CALM2: variants seen among roughly 807,000 people sequenced by gnomAD.
CALM2 encodes calmodulin-2.
In CALM2, 2 loss-of-function variants were observed where a neutral mutation model predicts 19.8. The ratio of observed to expected loss-of-function variants is 0.10; its 90% CI spans 0.04 to 0.32. The LOEUF (loss-of-function observed/expected upper bound fraction) is 0.32. CALM2 is among the 10% of genes least tolerant of loss of function. The pLI is 1.00. For missense variants in CALM2, 38 were observed against 178.7 expected (o/e 0.21, Z 4.49); for synonymous variants, 51 against 52.1 (o/e 0.98, Z 0.09).
At chr2:47,160,990 A>G (rs1687137372) in intron 5 of CALM2, among the ~76,000 whole-genome samples, 186 bp from the exon 6 acceptor site, 1 of 152,028 alleles carries the variant, frequency 6.6e-6, no homozygotes, top group South Asian at 2.1e-4. Context: ...AACCATAACT[A>G]TTCAGGTTTA....
intron 2 of CALM2, among the ~76,000 whole-genome samples, chr2:47,166,630 T>C (rs1371120869): frequency 3.3e-5 from 5 of 151,978 alleles, no homozygotes; most frequent in Non-Finnish European, 7.4e-5. Flanking sequence ...TACTAAAGAG[T>C]AAAAAATACC....
intron 1 of CALM2, chr2:47,174,069 C>T (rs1465019021): frequency 6.6e-6 from 1 of 152,204 alleles, no homozygotes; most frequent in Non-Finnish European, 1.5e-5. Context: ...ATTATTTAGA[C>T]TCAAGTGACA....
At chr2:47,170,118 T>C (rs1250295879) in intron 2 of CALM2, among the ~76,000 whole-genome samples, 1 of 152,262 alleles carries the variant, frequency 6.6e-6, no homozygotes, top group East Asian at 1.9e-4. Flanking sequence ...GTAATAATTT[T>C]GCATACTTCC....
chr2:47,160,850 C>CAAAAAAAAAAAAAAAAAAAAAAAAACAAA, intron 5 of CALM2, 46 bp from the exon 6 acceptor site: 1 of 370,250 alleles, frequency 2.7e-6, no homozygotes, highest in Admixed American at 5.9e-5. Flanking sequence ...AGCAAAAGAC[C>CAAAAAAAAAAAAAAAAAAAAAAAAACAAA]AAAAAAAAAA....
intron 2 of CALM2, among the ~76,000 whole-genome samples, chr2:47,169,270 A>C (rs1185438398): frequency 6.6e-6 from 1 of 152,164 alleles, no homozygotes; most frequent in African/African-American, 2.4e-5. Flanking sequence ...GCCTGAGACA[A>C]TTTGGGAAGG....
chr2:47,172,487 T>C, intron 1 of CALM2: 2 of 1,213,872 alleles, frequency 1.6e-6, no homozygotes, highest in African/African-American at 1.6e-5. Flanking sequence ...AACCATTATT[T>C]CATATAAATT....
chr2:47,170,954 G>GT (rs1666646732), intron 1 of CALM2, 190 bp from the exon 2 acceptor site: 5 of 570,170 alleles, frequency 8.8e-6, no homozygotes, highest in Non-Finnish European at 1.6e-5. Context: ...TTAACTCCAA[G>GT]TTTAAGATAT....
chr2:47,176,737 A>C, upstream of CALM2: 22 of 1,372,398 alleles, frequency 1.6e-5, no homozygotes, highest in Non-Finnish European at 2.1e-5. Context: ...AGCCGTTAAA[A>C]GGCCGGTGGA....
intron 2 of CALM2, among the ~76,000 whole-genome samples, chr2:47,169,993 G>GAAAAAA (rs1392124066): frequency 1.3e-5 from 2 of 151,210 alleles, no homozygotes; most frequent in African/African-American, 4.9e-5. Context: ...GGCAAGGGGG[G>GAAAAAA]AAAAAAAAGT....
At chr2:47,165,429 G>C (rs917621858) in intron 2 of CALM2, among the ~76,000 whole-genome samples, 1 of 152,240 alleles carries the variant, frequency 6.6e-6, no homozygotes, top group African/African-American at 2.4e-5. Context: ...AAAAAAATTA[G>C]TATGTGTCAA....
At position 47,164,133 on chromosome 2, in the gene CALM2, G is replaced by A. The variant is rs551921569; in HGVS notation, c.35-1471C>T. On this transcript the variant is annotated intron_variant, in intron 2 of 5. Coordinates refer to ENST00000272298, the MANE Select transcript of CALM2 (RefSeq NM_001743.6). ...GGCGCCTATAGTCCCAGCTACTCGG[G>A]AGGCTGAGGCAGGAGAATGGCGTGA... Among the ~76,000 whole-genome samples, 3 of 151,868 alleles carry A rather than the reference G, an allele frequency of 2.0e-5. No individual in the cohort carries two copies. In the East Asian group the frequency reaches 5.9e-4, roughly 30 times the overall value.
At chr2:47,169,706 C>G (rs1277385349) in intron 2 of CALM2, among the ~76,000 whole-genome samples, 2 of 152,084 alleles carry the variant, frequency 1.3e-5, no homozygotes, top group Non-Finnish European at 2.9e-5. Context: ...TTTGAGGTGA[C>G]TAGTGTAATT....
chr2:47,172,769 T>C (rs976299464), intron 1 of CALM2: 3 of 125,374 alleles, frequency 2.4e-5, no homozygotes, highest in Non-Finnish European at 4.6e-5. Flanking sequence ...CCGTACTCTG[T>C]ACAGGAAGGG....
intron 1 of CALM2, chr2:47,174,168 T>A (rs1264291340): frequency 1.3e-5 from 2 of 152,236 alleles, no homozygotes; most frequent in African/African-American, 4.8e-5. Context: ...AATGAGCATA[T>A]GTTGATTACA....
intron 2 of CALM2, among the ~76,000 whole-genome samples, chr2:47,167,898 T>C (rs1666540537): frequency 6.8e-6 from 1 of 147,666 alleles, no homozygotes; most frequent in African/African-American, 2.5e-5. Context: ...CCTCCCAAAG[T>C]GTTGGGATTA....
chr2:47,176,373 G>T, intron 1 of CALM2, 68 bp downstream of exon 1: 1 of 1,589,940 alleles, frequency 6.3e-7, no homozygotes. Flanking sequence ...AGTTTCCTTT[G>T]TTTAGTCAGT....
At chr2:47,164,749 A>G (rs904850544) in intron 2 of CALM2, among the ~76,000 whole-genome samples, 2 of 152,238 alleles carry the variant, frequency 1.3e-5, no homozygotes, top group African/African-American at 4.8e-5. Flanking sequence ...AAAGTTTCCA[A>G]GTTCATTGGG....
intron 2 of CALM2, chr2:47,163,157 T>G (rs1687208388): frequency 6.5e-6 from 1 of 154,932 alleles, no homozygotes; most frequent in African/African-American, 2.4e-5. Flanking sequence ...TTAAACTGTT[T>G]CTGTATACTG....
At chr2:47,167,809 C>CTTTTATTTTTTTTTTTTTTTTTTTTTTTT (rs1400752450) in intron 2 of CALM2, 1 of 18,242 alleles carries the variant, frequency 5.5e-5, no homozygotes, top group African/African-American at 2.7e-4. Context: ...ATTTTTTTTT[C>CTTTTATTTTTTTTTTTTTTTTTTTTTTTT]TTTTCTTTGA....
Sources: allele counts gnomAD v4.1 joint callset (sites outside exome capture counted in the v4.1 genomes callset), GRCh38; gene constraint gnomAD v4.1.1; transcripts MANE v1.5; gene names NCBI Gene and HGNC (gene_info 2026-07-23, HGNC 2026-07-21).